The following ALK variants were observed in gnomAD, a reference collection of about 807,000 sequenced individuals.
The protein encoded by ALK is ALK tyrosine kinase receptor.
In ALK, 74 loss-of-function variants were observed where a neutral mutation model predicts 163.1. The ratio of observed to expected loss-of-function variants is 0.45; its 90% CI spans 0.38 to 0.55. The LOEUF is 0.55. Among genes scored for constraint, ALK ranks in the 20% least tolerant of loss-of-function variants. The pLI is 0.00. For missense variants in ALK, 2,063 were observed against 2,105.3 expected, an observed-to-expected ratio of 0.98 and a Z score of 0.39; for synonymous variants, 960 against 843.2, an observed-to-expected ratio of 1.14 and a Z score of -2.40.
rs1667987571 is a variant in ALK, at chr2:29,921,031, C to CT, written c.-373dup. 1 of 287,688 alleles carries CT rather than the reference C, an allele frequency of 3.5e-6. No individual in the cohort carries two copies. Among genetic ancestry groups the CT allele is most frequent in the Non-Finnish European group, 6.5e-6 (1 of 153,292 alleles). 17.8% of individuals were successfully genotyped at this position (287,688 alleles called of 1,614,324 possible). A position where few individuals can be genotyped will look rare whatever the true frequency, so the allele number is the denominator to read the frequency against. Reference sequence around the variant, plus strand: ...GGTGGCAGTTGGGTACCGTCCTCTCCTGCCCCCCGCAGTCGGAGCTGGGGT... The same window carrying CT: ...GGTGGCAGTTGGGTACCGTCCTCTCCTTGCCCCCCGCAGTCGGAGCTGGGGT... On this transcript the variant is annotated 5_prime_UTR_variant, in exon 1 of 29. Transcript: ENST00000389048.
chr2:29,637,875 T>C (rs1251695452), intron 3 of ALK, among the ~76,000 whole-genome samples: 1 of 152,172 alleles, frequency 6.6e-6, no homozygotes, highest in African/African-American at 2.4e-5. Flanking sequence ...TATAACTGTA[T>C]ATGAATCCAT....
intron 4 of ALK, among the ~76,000 whole-genome samples, chr2:29,488,413 G>A (rs1225927269): frequency 1.3e-5 from 2 of 152,034 alleles, no homozygotes; most frequent in Admixed American, 6.6e-5. Context: ...TCTCCTAAAC[G>A]TCTAATTAAT....
At chr2:29,494,842 T>TTGTGTG (rs1461019463) in intron 4 of ALK, among the ~76,000 whole-genome samples, 6 of 80,940 alleles carry the variant, frequency 7.4e-5, no homozygotes, top group African/African-American at 3.2e-4. Context: ...CTTTAGAGAC[T>TTGTGTG]CGTGTGTGTG....
chr2:29,663,613 G>A (rs559707940), intron 3 of ALK, among the ~76,000 whole-genome samples: 41 of 152,226 alleles, frequency 2.7e-4, no homozygotes, highest in Non-Finnish European at 2.9e-4. Context: ...GTTGTATTGT[G>A]TGTCTAAGAC....
chr2:29,849,820 G>T (rs546421917), intron 1 of ALK, among the ~76,000 whole-genome samples: 1 of 152,062 alleles, frequency 6.6e-6, no homozygotes, highest in Non-Finnish European at 1.5e-5. Flanking sequence ...AGAGGAGAGG[G>T]GAGGAGGGAG....
At chr2:29,427,672 GA>G (rs2148071796) in intron 4 of ALK, among the ~76,000 whole-genome samples, 1 of 151,948 alleles carries the variant, frequency 6.6e-6, no homozygotes, top group South Asian at 2.1e-4. Context: ...AGAAAAAAAT[GA>G]GATAAAATGG....
chr2:29,853,211 C>T (rs542389183), intron 1 of ALK, among the ~76,000 whole-genome samples: 1 of 152,186 alleles, frequency 6.6e-6, no homozygotes, highest in South Asian at 2.1e-4. Flanking sequence ...TTTATCTCTC[C>T]ACTCCCCAGC....
chr2:29,333,716 G>A (rs893588020), intron 5 of ALK, among the ~76,000 whole-genome samples: 2 of 152,074 alleles, frequency 1.3e-5, no homozygotes, highest in Admixed American at 1.3e-4. Context: ...TCCCGACCTC[G>A]GGTGATTCTT....
At chr2:29,286,240 A>G (rs1354227684) in intron 9 of ALK, among the ~76,000 whole-genome samples, 1 of 152,172 alleles carries the variant, frequency 6.6e-6, no homozygotes, top group Non-Finnish European at 1.5e-5. Flanking sequence ...AGGTCCTGTG[A>G]TCTGGCAAGA....
At chr2:29,232,501 G>A in intron 14 of ALK, 53 bp from the exon 15 acceptor site, 1 of 1,611,328 alleles carries the variant, frequency 6.2e-7, no homozygotes. Flanking sequence ...CTTCCCCCTG[G>A]AGCCCCTAAG....
intron 4 of ALK, among the ~76,000 whole-genome samples, chr2:29,488,356 AT>A (rs1192047414): frequency 6.6e-6 from 1 of 152,154 alleles, no homozygotes; most frequent in Non-Finnish European, 1.5e-5. Flanking sequence ...TGGTGGGGTC[AT>A]TCCCTAACCC....
chr2:29,418,473 A>C (rs1329630359), intron 4 of ALK, among the ~76,000 whole-genome samples: 2 of 152,214 alleles, frequency 1.3e-5, no homozygotes, highest in Non-Finnish European at 2.9e-5. Context: ...AGGGGGTACC[A>C]GTGCAGATTT....
intron 1 of ALK, among the ~76,000 whole-genome samples, chr2:29,871,045 T>C (rs1411224377): frequency 6.6e-6 from 1 of 152,226 alleles, no homozygotes; most frequent in African/African-American, 2.4e-5. Context: ...GTGTGTTTTA[T>C]GTTCCTTTTT....
intron 1 of ALK, among the ~76,000 whole-genome samples, chr2:29,899,347 C>G (rs1182924757): frequency 1.3e-5 from 2 of 152,008 alleles, no homozygotes; most frequent in African/African-American, 2.4e-5. Context: ...CTTTTTTGCC[C>G]CCTGCAAGCA....
At chr2:29,273,626 C>G (rs1379411642) in intron 11 of ALK, among the ~76,000 whole-genome samples, 1 of 152,090 alleles carries the variant, frequency 6.6e-6, no homozygotes, top group Non-Finnish European at 1.5e-5. Flanking sequence ...GATCCAAGCT[C>G]AGGCATCCAG....
chr2:29,754,166 A>G (rs1195442606), intron 1 of ALK, among the ~76,000 whole-genome samples: 1 of 152,190 alleles, frequency 6.6e-6, no homozygotes, highest in Non-Finnish European at 1.5e-5. Flanking sequence ...GCTCTAGACC[A>G]TGCACCTTTG....
chr2:29,872,723 G>A (rs75707956), intron 1 of ALK, among the ~76,000 whole-genome samples: 5,701 of 152,230 alleles, frequency 0.037, 192 homozygotes, highest in Admixed American at 0.11. Context: ...TTATAAAGTC[G>A]AAAAATCATA....
intron 3 of ALK, among the ~76,000 whole-genome samples, chr2:29,636,321 G>A (rs1676527360): frequency 6.8e-6 from 1 of 146,608 alleles, no homozygotes; most frequent in Non-Finnish European, 1.5e-5. Flanking sequence ...ACATCCAGAG[G>A]CCAAAAATAA....
At chr2:29,548,644 A>G (rs7567732) in intron 3 of ALK, among the ~76,000 whole-genome samples, 143,357 of 152,162 alleles carry the variant, frequency 0.94, 67,841 homozygotes, top group Non-Finnish European at 0.99. Context: ...GAACTTCTAT[A>G]AGCACAGGGA....
Sources: gnomAD v4.1 joint callset for allele counts (sites outside exome capture counted in the v4.1 genomes callset) on GRCh38, gnomAD v4.1.1 for gene constraint, MANE v1.5 for transcripts, NCBI Gene and HGNC (gene_info 2026-07-23, HGNC 2026-07-21) for gene names.